The following NECAB1 variants were observed in gnomAD, a reference collection of about 807,000 sequenced individuals.
The protein encoded by NECAB1 is N-terminal EF-hand calcium-binding protein 1.
A neutral mutation model predicts 57.5 loss-of-function variants in NECAB1; 29 were observed. The observed-to-expected ratio is 0.50, with a 90% confidence interval of 0.38 to 0.69. NECAB1 has a LOEUF of 0.69. NECAB1 is among the 30% of genes least tolerant of loss of function. The pLI, the probability that NECAB1 is intolerant of heterozygous loss-of-function variation, is 0.00. For missense variants in NECAB1, 372 were observed against 413.8 expected (o/e 0.90, Z 0.88); for synonymous variants, 142 against 147.7 (o/e 0.96, Z 0.28).
chr8:90,901,885 T>G (rs1809511704), intron 5 of NECAB1, among the ~76,000 whole-genome samples: 1 of 151,868 alleles, frequency 6.6e-6, no homozygotes, highest in African/African-American at 2.4e-5. Context: ...AAACCTCGTT[T>G]GCACTCTCTG....
intron 10 of NECAB1, among the ~76,000 whole-genome samples, chr8:90,943,087 C>G (rs1234925318): frequency 2.0e-5 from 3 of 152,110 alleles, no homozygotes; most frequent in Non-Finnish European, 4.4e-5. Flanking sequence ...AGAAACACTA[C>G]TTTAATGGGT....
intron 10 of NECAB1, among the ~76,000 whole-genome samples, chr8:90,949,043 C>T (rs1387361749): frequency 1.3e-5 from 2 of 152,114 alleles, no homozygotes; most frequent in Non-Finnish European, 2.9e-5. Context: ...AAATTTGTCT[C>T]ACCCAAATTG....
intron 7 of NECAB1, among the ~76,000 whole-genome samples, chr8:90,927,111 G>A (rs1357946673): frequency 2.6e-5 from 4 of 151,378 alleles, no homozygotes; most frequent in African/African-American, 4.9e-5. Context: ...GAATAACCCA[G>A]ATTAGAAATA....
At chr8:90,892,525 A>C (rs981042911) in intron 5 of NECAB1, among the ~76,000 whole-genome samples, 1 of 152,232 alleles carries the variant, frequency 6.6e-6, no homozygotes, top group East Asian at 1.9e-4. Context: ...TAACCCCCGC[A>C]AAAGGTGATT....
chr8:90,954,152 A>G (rs1309134217), intron 12 of NECAB1, among the ~76,000 whole-genome samples: 2 of 151,874 alleles, frequency 1.3e-5, no homozygotes, highest in Non-Finnish European at 2.9e-5. Flanking sequence ...AAAATCTGAA[A>G]GAAAAAAAGC....
intron 5 of NECAB1, among the ~76,000 whole-genome samples, chr8:90,903,536 C>T (rs148584246): frequency 7.9e-5 from 12 of 151,912 alleles, no homozygotes; most frequent in Non-Finnish European, 1.8e-4. Flanking sequence ...TACTCATGAA[C>T]AAAAAAGTCA....
rs182927076 is a variant in NECAB1, at chr8:90,848,365, C to T, written c.233+23540C>T. The stretch of plus-strand genomic sequence containing the variant: ...TAGTTTGGGAAATTCCAAACTTTCC[C>T]ACATTTTCCTGTCTTCCTCTGAGCC... On this transcript the variant is annotated intron_variant, in intron 3 of 12. Coordinates refer to ENST00000417640, the MANE Select transcript of NECAB1 (RefSeq NM_022351.5). Among the ~76,000 whole-genome samples, 231 of 152,268 alleles carry T rather than the reference C, an allele frequency of 1.5e-3. 1 individual carries two copies. The highest frequency in any genetic ancestry group is 5.4e-3 in the African/African-American group (224 of 41,544).
chr8:90,917,475 T>G lies in NECAB1; in HGVS notation c.358-17T>G. The G allele has an allele frequency of 6.4e-7, 1 of 1,573,702 alleles. No homozygotes were observed. The highest frequency in any genetic ancestry group is 8.6e-7 in the Non-Finnish European group (1 of 1,163,600). ...TTTCTACCATACTTCTAATTGCATT[T>G]GTTTTGTCACCCTTAGGACTACCAA... On this transcript the variant is annotated splice_polypyrimidine_tract_variant and intron_variant, in intron 5 of 12. Coordinates refer to ENST00000417640, the MANE Select transcript of NECAB1 (RefSeq NM_022351.5).
chr8:90,863,536 G>A (rs1808448920), intron 3 of NECAB1, among the ~76,000 whole-genome samples: 3 of 152,024 alleles, frequency 2.0e-5, no homozygotes, highest in Non-Finnish European at 4.4e-5. Flanking sequence ...AAAAATATGT[G>A]CATGAGTTTT....
intron 5 of NECAB1, among the ~76,000 whole-genome samples, chr8:90,891,438 A>G (rs1422512850): frequency 6.6e-6 from 1 of 152,162 alleles, no homozygotes; most frequent in African/African-American, 2.4e-5. Flanking sequence ...GCTATTCTAC[A>G]TATTATGCCA....
In NECAB1 at chr8:90,956,175, T is replaced by C. The variant is rs1385578720; in HGVS notation, c.*663T>C. On this transcript the variant is annotated 3_prime_UTR_variant, in exon 13 of 13. Coordinates refer to ENST00000417640, the MANE Select transcript of NECAB1 (RefSeq NM_022351.5). Reference sequence around the variant, plus strand: ...AGTACCATTTAGTAATACAGCAACATTGTGTCATTTATTAGCATCATAATT... The same window carrying C: ...AGTACCATTTAGTAATACAGCAACACTGTGTCATTTATTAGCATCATAATT... 1 of 152,050 alleles carries C rather than the reference T, an allele frequency of 6.6e-6. No individual in the cohort carries two copies. The highest frequency in any genetic ancestry group is 2.4e-5 in the African/African-American group (1 of 41,430). 9.4% of individuals were successfully genotyped at this position (152,050 alleles called of 1,614,324 possible).
At chr8:90,901,409 A>G (rs1368338555) in intron 5 of NECAB1, among the ~76,000 whole-genome samples, 2 of 152,186 alleles carry the variant, frequency 1.3e-5, no homozygotes, top group Admixed American at 1.3e-4. Flanking sequence ...TGACCCTTGT[A>G]GCCTCATGAG....
chr8:90,897,457 A>T (rs1586100156), intron 5 of NECAB1, among the ~76,000 whole-genome samples: 1 of 152,170 alleles, frequency 6.6e-6, no homozygotes, highest in South Asian at 2.1e-4. Flanking sequence ...ACCTCTCTAG[A>T]CCCTGAAAAA....
intron 3 of NECAB1, among the ~76,000 whole-genome samples, chr8:90,837,797 A>T (rs889407541): frequency 6.6e-6 from 1 of 152,190 alleles, no homozygotes; most frequent in Non-Finnish European, 1.5e-5. Flanking sequence ...CTTGAGCTTG[A>T]CAAATCATTA....
At chr8:90,947,209 G>A (rs1406176202) in intron 10 of NECAB1, among the ~76,000 whole-genome samples, 1 of 150,672 alleles carries the variant, frequency 6.6e-6, no homozygotes, top group Admixed American at 6.6e-5. Flanking sequence ...TGTTAGCTTT[G>A]CTTCTTAGCT....
At chr8:90,792,919 C>T (rs1474710774) in intron 1 of NECAB1, among the ~76,000 whole-genome samples, 2 of 152,158 alleles carry the variant, frequency 1.3e-5, no homozygotes, top group Non-Finnish European at 2.9e-5. Flanking sequence ...TCAGTTGTCA[C>T]ATTCATGCTG....
chr8:90,875,842 T>TAAAAAAAA (rs1808715384), intron 4 of NECAB1, among the ~76,000 whole-genome samples: 1 of 27,348 alleles, frequency 3.7e-5, no homozygotes, highest in African/African-American at 4.4e-4. Flanking sequence ...CTACTAAAAA[T>TAAAAAAAA]ACAAAAAAAA....
intron 3 of NECAB1, among the ~76,000 whole-genome samples, chr8:90,870,057 C>T (rs1327910758): frequency 6.6e-6 from 1 of 152,080 alleles, no homozygotes; most frequent in African/African-American, 2.4e-5. Flanking sequence ...AAGTGTGTAG[C>T]ACTTCCCTCT....
At chr8:90,919,701 T>C (rs1810058321) in intron 6 of NECAB1, among the ~76,000 whole-genome samples, 1 of 152,174 alleles carries the variant, frequency 6.6e-6, no homozygotes, top group African/African-American at 2.4e-5. Flanking sequence ...ACTGAATGTC[T>C]TGAAGCACAG....
Sources: gnomAD v4.1 joint callset for allele counts (sites outside exome capture counted in the v4.1 genomes callset) on GRCh38, gnomAD v4.1.1 for gene constraint, MANE v1.5 for transcripts, NCBI Gene and HGNC (gene_info 2026-07-23, HGNC 2026-07-21) for gene names.